CSMD1: variants seen among roughly 807,000 people sequenced by gnomAD.
CSMD1 encodes the protein CUB and Sushi multiple domains 1, also known as CUB and sushi domain-containing protein 1.
A neutral mutation model predicts 417.5 loss-of-function variants in CSMD1; 213 were observed. That is an observed-to-expected ratio of 0.51 (90% confidence interval 0.46 to 0.57). The LOEUF (loss-of-function observed/expected upper bound fraction) is 0.57. Ranked by LOEUF, CSMD1 falls within the 20% of genes least tolerant of loss-of-function variation. The pLI, the probability that CSMD1 is intolerant of heterozygous loss-of-function variation, is 0.00. For synonymous variants in CSMD1, 2,862 were observed against 1,736.8 expected, an observed-to-expected ratio of 1.65 and a Z score of -16.11; for missense variants, 6,923 against 4,529.7, an observed-to-expected ratio of 1.53 and a Z score of -15.17.
intron 2 of CSMD1, among the ~76,000 whole-genome samples, chr8:4,538,375 G>A (rs936557453): frequency 6.6e-6 from 1 of 151,958 alleles, no homozygotes; most frequent in African/African-American, 2.4e-5. Flanking sequence ...GGGTGCGATG[G>A]CTTATGCCTG....
Position 4,267,364 on chromosome 8 carries a change from A to C in CSMD1, c.415+152589T>G, listed in dbSNP as rs1207663111. Among the ~76,000 whole-genome samples the C allele has an allele frequency of 3.9e-5, 2 of 50,928 alleles. 1 individual carries two copies. The highest frequency in any genetic ancestry group is 1.7e-4 in the Non-Finnish European group (2 of 11,662). 33.4% of individuals were successfully genotyped at this position (50,928 alleles called of 152,430 possible). A position where few individuals can be genotyped will look rare whatever the true frequency, so the allele number is the denominator to read the frequency against. On this transcript the variant is annotated intron_variant, in intron 3 of 69. Coordinates refer to ENST00000635120, the MANE Select transcript of CSMD1 (RefSeq NM_033225.6). The stretch of plus-strand genomic sequence containing the variant: ...ATGAAAAAGTAACAATAAGAGTTTA[A>C]AAGGGAGTCTTAGGATTAACTATGA...
At chr8:3,272,440 T>C (rs1474003829) in intron 26 of CSMD1, among the ~76,000 whole-genome samples, 1 of 150,750 alleles carries the variant, frequency 6.6e-6, no homozygotes, top group Non-Finnish European at 1.5e-5. Flanking sequence ...ATATGAACTT[T>C]AAAGTAGTTT....
intron 69 of CSMD1, among the ~76,000 whole-genome samples, chr8:2,940,614 G>C (rs991876774): frequency 6.6e-6 from 1 of 152,154 alleles, no homozygotes; most frequent in Non-Finnish European, 1.5e-5. Context: ...AAGGTTTAAC[G>C]ACTAAAACTG....
intron 1 of CSMD1, among the ~76,000 whole-genome samples, chr8:4,924,068 G>T (rs146411318): frequency 6.6e-6 from 1 of 152,182 alleles, no homozygotes; most frequent in African/African-American, 2.4e-5. Context: ...AGGCAGAAAA[G>T]TGATGAACAA....
In CSMD1 at chr8:4,536,162, G is replaced by A. The variant is rs181049065; in HGVS notation, c.302+101180C>T. ...GTATATATAAACCGCAACTCAGTAA[G>A]TAAGGAGATTTGTTTTATTTGACTG... On this transcript the variant is annotated intron_variant, in intron 2 of 69. Coordinates refer to ENST00000635120, the MANE Select transcript of CSMD1 (RefSeq NM_033225.6). 3.2e-4 allele frequency among the ~76,000 whole-genome samples: 49 copies of A among 152,230 alleles called. No homozygotes were observed. In the East Asian group the frequency reaches 7.9e-3, roughly 25 times the overall value.
In CSMD1 at chr8:4,328,551, C is replaced by A. The variant is rs531446698; in HGVS notation, c.415+91402G>T. Among the ~76,000 whole-genome samples the A allele has an allele frequency of 5.3e-4, 80 of 151,936 alleles. 1 individual carries two copies. Among genetic ancestry groups the A allele is most frequent in the African/African-American group, 1.8e-3 (75 of 41,442 alleles). On this transcript the variant is annotated intron_variant, in intron 3 of 69. Coordinates refer to ENST00000635120, the MANE Select transcript of CSMD1 (RefSeq NM_033225.6). ...CTCCTGTACTCTATAAATATACACA[C>A]TATGTACCCACAACAATTTAAAAAA...
At chr8:4,987,484 G>A (rs963832588) in intron 1 of CSMD1, among the ~76,000 whole-genome samples, 6 of 152,114 alleles carry the variant, frequency 3.9e-5, no homozygotes, top group East Asian at 3.9e-4. Context: ...ACAAAAAGTT[G>A]TAGTTATCTC....
chr8:3,571,454 T>C (rs968182999), intron 10 of CSMD1, among the ~76,000 whole-genome samples: 11 of 152,158 alleles, frequency 7.2e-5, no homozygotes, highest in African/African-American at 2.4e-4. Flanking sequence ...AGAGGCATTG[T>C]TAGTAACTGT....
chr8:3,339,349 T>C (rs1444613), intron 23 of CSMD1, among the ~76,000 whole-genome samples: 53,798 of 151,850 alleles, frequency 0.35, 10,084 homozygotes, highest in African/African-American at 0.46. Context: ...GACTATGGGT[T>C]CTCTTCTCTA....
chr8:4,616,236 T>C (rs543505951), intron 2 of CSMD1, among the ~76,000 whole-genome samples: 17 of 152,238 alleles, frequency 1.1e-4, no homozygotes, highest in South Asian at 4.1e-4. Flanking sequence ...ACTTTGAGAA[T>C]TGAAAAAAAC....
intron 1 of CSMD1, among the ~76,000 whole-genome samples, chr8:4,822,102 C>T (rs1799556715): frequency 6.6e-6 from 1 of 152,004 alleles, no homozygotes; most frequent in South Asian, 2.1e-4. Flanking sequence ...ATTACCAGAA[C>T]ATTCACATGC....
chr8:4,377,074 C>T (rs181781292), intron 3 of CSMD1, among the ~76,000 whole-genome samples: 2 of 152,304 alleles, frequency 1.3e-5, no homozygotes, highest in Non-Finnish European at 2.9e-5. Context: ...GCTTCTGTTG[C>T]TTTCATACAT....
chr8:4,993,751 A>T (rs976010577), intron 1 of CSMD1, among the ~76,000 whole-genome samples: 1 of 152,146 alleles, frequency 6.6e-6, no homozygotes, highest in South Asian at 2.1e-4. Context: ...GACCTTCTAG[A>T]GGCAGCTACT....
At chr8:4,359,188 A>G (rs1017718847) in intron 3 of CSMD1, among the ~76,000 whole-genome samples, 3 of 152,140 alleles carry the variant, frequency 2.0e-5, no homozygotes, top group Non-Finnish European at 4.4e-5. Context: ...CAATTTCACA[A>G]AAGTCCCAGA....
intron 3 of CSMD1, among the ~76,000 whole-genome samples, chr8:4,077,949 C>T (rs890378893): frequency 3.3e-5 from 5 of 152,108 alleles, no homozygotes; most frequent in East Asian, 3.9e-4. Context: ...CATACCCATA[C>T]TCGCCCTGCA....
chr8:3,979,091 T>C (rs999884528), intron 5 of CSMD1, among the ~76,000 whole-genome samples: 2 of 152,200 alleles, frequency 1.3e-5, no homozygotes, highest in Non-Finnish European at 2.9e-5. Flanking sequence ...CTTTGAACAG[T>C]AGCCAGTGCA....
intron 2 of CSMD1, among the ~76,000 whole-genome samples, chr8:4,549,526 C>G (rs899248263): frequency 3.9e-5 from 6 of 152,086 alleles, no homozygotes; most frequent in African/African-American, 1.2e-4. Context: ...TGCAATTCCT[C>G]CCTACCCAAG....
At chr8:4,064,803 G>C (rs1321520938) in intron 3 of CSMD1, among the ~76,000 whole-genome samples, 1 of 152,040 alleles carries the variant, frequency 6.6e-6, no homozygotes. Context: ...TGTACTCCCG[G>C]TGATCTTGTT....
At position 4,043,326 on chromosome 8, in the gene CSMD1, A is replaced by C. The variant is rs1316603945; in HGVS notation, c.416-11227T>G. Among the ~76,000 whole-genome samples the C allele has an allele frequency of 2.6e-5, 4 of 152,298 alleles. No homozygotes were observed. In the East Asian group the frequency reaches 5.8e-4, roughly 22 times the overall value. The stretch of plus-strand genomic sequence containing the variant: ...GGAAAACATAAAAAGAAGAGGAAAA[A>C]AGAAAATGAATGAGAAATACAAAGC... On this transcript the variant is annotated intron_variant, in intron 3 of 69. Transcript: ENST00000635120.
Sources: allele counts gnomAD v4.1 joint callset (sites outside exome capture counted in the v4.1 genomes callset), GRCh38; gene constraint gnomAD v4.1.1; transcripts MANE v1.5; gene names NCBI Gene and HGNC (gene_info 2026-07-23, HGNC 2026-07-21).